ACO1: variants seen among roughly 807,000 people sequenced by gnomAD.
ACO1 encodes cytoplasmic aconitate hydratase.
In ACO1, 78 loss-of-function variants were observed where a neutral mutation model predicts 105.1. The ratio of observed to expected loss-of-function variants is 0.74; its 90% CI spans 0.62 to 0.90. The LOEUF (loss-of-function observed/expected upper bound fraction) is 0.90, where lower values mean the gene tolerates loss of function less well. Among genes scored for constraint, ACO1 ranks in the 40% least tolerant of loss-of-function variants. The pLI, the probability that ACO1 is intolerant of heterozygous loss-of-function variation, is 0.00. For missense variants in ACO1, 965 were observed against 1,111.1 expected, an observed-to-expected ratio of 0.87 and a Z score of 1.87; for synonymous variants, 364 against 397.4, an observed-to-expected ratio of 0.92 and a Z score of 1.00.
chr9:32,434,833 G>A (rs965768907), intron 17 of ACO1, 132 bp downstream of exon 17: 1 of 1,059,942 alleles, frequency 9.4e-7, no homozygotes, highest in Non-Finnish European at 1.3e-6. Context: ...TAACCCTGGG[G>A]TAAAAACCAA....
At chr9:32,408,438 A>G (rs943015511) in intron 3 of ACO1, 76 bp from the exon 4 acceptor site, 14 of 1,555,068 alleles carry the variant, frequency 9.0e-6, no homozygotes, top group Non-Finnish European at 8.8e-6. Flanking sequence ...AATATTATCA[A>G]TGGAGGCAAA....
chr9:32,423,099 A>G (rs955012244), intron 8 of ACO1, among the ~76,000 whole-genome samples: 3 of 152,236 alleles, frequency 2.0e-5, no homozygotes, highest in African/African-American at 7.2e-5. Flanking sequence ...TCACTTTGAT[A>G]GGAACAGCAC....
At chr9:32,388,593 C>T (rs991402379) in intron 1 of ACO1, among the ~76,000 whole-genome samples, 6 of 151,864 alleles carry the variant, frequency 4.0e-5, no homozygotes, top group Non-Finnish European at 8.8e-5. Context: ...GTGTGTATAC[C>T]TGTGTGTATG....
intron 15 of ACO1, among the ~76,000 whole-genome samples, chr9:32,432,418 G>A (rs1459825951): frequency 5.3e-5 from 8 of 152,148 alleles, no homozygotes; most frequent in Admixed American, 2.6e-4. Context: ...TTCTGACTGC[G>A]GCTGATGGTT....
At chr9:32,408,382 T>C (rs1587523987) in intron 3 of ACO1, 132 bp from the exon 4 acceptor site, 2 of 1,015,154 alleles carry the variant, frequency 2.0e-6, no homozygotes, top group South Asian at 3.3e-5. Context: ...TTCACTTTTC[T>C]AAGTCTCACC....
intron 1 of ACO1, among the ~76,000 whole-genome samples, chr9:32,389,304 C>A (rs1424092475): frequency 2.6e-5 from 4 of 152,132 alleles, no homozygotes; most frequent in South Asian, 2.1e-4. Context: ...AGCACACTTG[C>A]TTTTTAGATT....
intron 4 of ACO1, among the ~76,000 whole-genome samples, chr9:32,416,019 A>G (rs945331777): frequency 6.6e-6 from 1 of 152,066 alleles, no homozygotes; most frequent in Non-Finnish European, 1.5e-5. Flanking sequence ...GATCCTACCT[A>G]TTAAAGCAAC....
intron 2 of ACO1, 87 bp from the exon 3 acceptor site, chr9:32,407,174 A>T: frequency 8.1e-7 from 1 of 1,229,468 alleles, no homozygotes; most frequent in Non-Finnish European, 1.2e-6. Flanking sequence ...CTGATGCCTC[A>T]TATCAACTTT....
At chr9:32,396,888 T>C (rs912858739) in intron 1 of ACO1, among the ~76,000 whole-genome samples, 1 of 152,210 alleles carries the variant, frequency 6.6e-6, no homozygotes, top group African/African-American at 2.4e-5. Context: ...AAAGGACTTT[T>C]TAGATCGTTA....
At chr9:32,404,283 C>G (rs1429072813) in intron 1 of ACO1, among the ~76,000 whole-genome samples, 1 of 152,164 alleles carries the variant, frequency 6.6e-6, no homozygotes, top group Non-Finnish European at 1.5e-5. Context: ...CCCCCATTCA[C>G]CCAGCAGCCA....
chr9:32,413,582 TCTC>T (rs1388097992), intron 4 of ACO1, among the ~76,000 whole-genome samples: 3 of 152,130 alleles, frequency 2.0e-5, no homozygotes, highest in Non-Finnish European at 2.9e-5. Context: ...TCATGATCTC[TCTC>T]CTCATTTTTG....
At position 32,440,543 on chromosome 9, in the gene ACO1, G is replaced by A; in HGVS notation, c.2326G>A (p.Ala776Thr). The change falls in exon 19 of 21, where the codon GCA becomes ACA. Residue 776 changes from alanine to threonine, a missense_variant. By Grantham distance (58) the Ala-to-Thr change is moderately conservative (BLOSUM62 0). Coordinates refer to ENST00000309951, the MANE Select transcript of ACO1 (RefSeq NM_002197.3). The part of the protein sequence containing the change: ...LIVLAGKEYG[A>T]GSSRDWAAKG... ...CGTTCTGGCTGGCAAAGAGTACGGT[G>A]CAGGCAGCTCCCGAGACTGGGCAGC... is the stretch of plus-strand genomic sequence containing the variant. 1 of 1,614,064 alleles carries A rather than the reference G, an allele frequency of 6.2e-7. No individual in the cohort carries two copies. Among genetic ancestry groups the A allele is most frequent in the African/African-American group, 1.3e-5 (1 of 75,030 alleles).
chr9:32,403,949 G>A (rs1475827997), intron 1 of ACO1, among the ~76,000 whole-genome samples: 1 of 152,200 alleles, frequency 6.6e-6, no homozygotes, highest in African/African-American at 2.4e-5. Flanking sequence ...ATGAAAGGGA[G>A]AGTAGCACTG....
rs114129683 is a variant in ACO1 at position 32,439,083 on chromosome 9, G to A, written c.2248-1382G>A. Among the ~76,000 whole-genome samples the A allele has an allele frequency of 4.7e-4, 72 of 152,294 alleles. No homozygotes were observed. The highest frequency in any genetic ancestry group is 1.6e-3 in the African/African-American group (68 of 41,568). On this transcript the variant is annotated intron_variant, in intron 18 of 20. Coordinates refer to ENST00000309951, the MANE Select transcript of ACO1 (RefSeq NM_002197.3). This position sits in a 1 kb window ranked among gnomAD's most constrained non-coding sequence, Gnocchi z 4.0. ...GTGTTTAATAGAAAAGTCAGGAGACGTGAGTTCTAGACCTGCTTAGTCCCT... is the reference window on the plus strand; with the variant it reads ...GTGTTTAATAGAAAAGTCAGGAGACATGAGTTCTAGACCTGCTTAGTCCCT...
At chr9:32,397,227 C>A (rs533325426) in intron 1 of ACO1, among the ~76,000 whole-genome samples, 38 of 152,310 alleles carry the variant, frequency 2.5e-4, no homozygotes, top group Non-Finnish European at 5.3e-4. Flanking sequence ...TAAATCCATT[C>A]TTTCTGCACC....
intron 4 of ACO1, among the ~76,000 whole-genome samples, chr9:32,409,617 G>A (rs1276718305): frequency 1.3e-5 from 2 of 152,330 alleles, no homozygotes; most frequent in Admixed American, 1.3e-4. Flanking sequence ...TTGGAAGGCT[G>A]AGGCAGGAGG....
At chr9:32,433,968 G>C in intron 16 of ACO1, 136 bp downstream of exon 16, 1 of 696,074 alleles carries the variant, frequency 1.4e-6, no homozygotes, top group Non-Finnish European at 2.3e-6. Flanking sequence ...AGATACTGCT[G>C]GGGAAAGTTT....
Position 32,454,172 on chromosome 9 carries a change from G to A in ACO1, c.*4061G>A, listed in dbSNP as rs1033000547. The A allele has an allele frequency of 3.9e-5, 6 of 152,326 alleles. No individual in the cohort carries two copies. The East Asian group carries it at 1.2e-3, about 29-fold the overall frequency. The allele number at this position is 152,326 out of a possible 1,614,324, so 9.4% of individuals were successfully genotyped here. A position where few individuals can be genotyped will look rare whatever the true frequency, so the allele number is the denominator to read the frequency against. Reference sequence around the variant, plus strand: ...AAATGGGTTTTATCACTGCAGAACAGACACAAGAACAATGTGTGCTGTAAA... The same window carrying A: ...AAATGGGTTTTATCACTGCAGAACAAACACAAGAACAATGTGTGCTGTAAA... On this transcript the variant is annotated 3_prime_UTR_variant, in exon 21 of 21. Transcript: ENST00000309951.
In ACO1 at chr9:32,453,344, A is replaced by C. The variant is rs1822809370; in HGVS notation, c.*3233A>C. On this transcript the variant is annotated 3_prime_UTR_variant, in exon 21 of 21. Transcript: ENST00000309951. ...CTTAGCTGTGGTAGAAGCACAGCTC[A>C]AATTAGCTTAAGGAAAAAAAAAAAA... is the stretch of plus-strand genomic sequence containing the variant. The C allele has an allele frequency of 9.7e-6, 1 of 103,470 alleles. No individual in the cohort carries two copies. The highest frequency in any genetic ancestry group is 3.4e-5 in the African/African-American group (1 of 29,210). The allele number at this position is 103,470 out of a possible 1,614,324, so 6.4% of individuals were successfully genotyped here.
Sources: gnomAD v4.1 joint callset for allele counts (sites outside exome capture counted in the v4.1 genomes callset) on GRCh38, gnomAD v4.1.1 for gene constraint, Gnocchi (gnomAD v3.1) non-coding constraint, MANE v1.5 for transcripts, NCBI Gene and HGNC (gene_info 2026-07-23, HGNC 2026-07-21) for gene names.